The following KIAA2012 variants were observed in gnomAD, a reference collection of about 807,000 sequenced individuals.
The protein encoded by KIAA2012 is uncharacterized protein KIAA2012.
A neutral mutation model predicts 150.6 loss-of-function variants in KIAA2012; 125 were observed. The ratio of observed to expected loss-of-function variants is 0.83; its 90% confidence interval spans 0.72 to 0.96. The LOEUF (loss-of-function observed/expected upper bound fraction) is 0.96, where lower values mean the gene tolerates loss of function less well. KIAA2012 is among the 40% of genes least tolerant of loss of function. KIAA2012 has a pLI of 0.00. For synonymous variants in KIAA2012, 462 were observed against 504.7 expected (o/e 0.92, Z 1.13); for missense variants, 1,219 against 1,354.9 (o/e 0.90, Z 1.57).
chr2:202,103,055 T>C lies in KIAA2012; in HGVS notation c.1265T>C (p.Leu422Ser), dbSNP rs1690090247. The change falls in exon 8 of 24, where the codon TTA becomes TCA. Residue 422 changes from leucine (L) to serine (S), a missense_variant. Physicochemically the swap from Leu to Ser is moderately radical, Grantham distance 145. Coordinates refer to ENST00000498697, the MANE Select transcript of KIAA2012 (RefSeq NM_001277372.4). Reference protein sequence around the residue: ...ANEPPTELFILPVEIHYHTKQ... With the variant: ...ANEPPTELFISPVEIHYHTKQ... Reference sequence around the variant, plus strand: ...GAGCCCCCAACAGAGCTCTTCATCTTACCGGTGGAGATTCATTACCACACC... The same window carrying C: ...GAGCCCCCAACAGAGCTCTTCATCTCACCGGTGGAGATTCATTACCACACC... The C allele has an allele frequency of 6.4e-7, 1 of 1,550,548 alleles. No homozygotes were observed. The highest frequency in any genetic ancestry group is 2.4e-5 in the East Asian group (1 of 40,922).
intron 12 of KIAA2012, chr2:202,137,556 C>A (rs2037462): frequency 0.64 from 97,889 of 151,838 alleles, 31,731 homozygotes; most frequent in Admixed American, 0.69. Context: ...GCCTCAAGCA[C>A]TCCACCCACC....
intron 14 of KIAA2012, among the ~76,000 whole-genome samples, chr2:202,158,197 T>G (rs1574297314): frequency 2.0e-5 from 3 of 152,166 alleles, no homozygotes. Flanking sequence ...GGTTTCACCA[T>G]GTCAGCCAGG....
At chr2:202,117,210 A>G (rs150362261) in intron 11 of KIAA2012, among the ~76,000 whole-genome samples, 4 of 152,362 alleles carry the variant, frequency 2.6e-5, no homozygotes, top group South Asian at 2.1e-4. Flanking sequence ...GCAGTAATAG[A>G]TAACTAGTAT....
intron 12 of KIAA2012, among the ~76,000 whole-genome samples, chr2:202,130,870 T>C (rs370173434): frequency 2.2e-4 from 33 of 152,174 alleles, no homozygotes; most frequent in African/African-American, 6.5e-4. Flanking sequence ...TGAGCCAAGA[T>C]TGTGCCACTG....
chr2:202,178,873 A>T, intron 15 of KIAA2012: 1 of 211,722 alleles, frequency 4.7e-6, no homozygotes, highest in Non-Finnish European at 9.4e-6. Context: ...AAGAAAACCA[A>T]AGTTGCAAAG....
chr2:202,186,953 A>G lies in KIAA2012; in HGVS notation c.2231A>G (p.His744Arg), dbSNP rs1353842133. ...CAAAGGGGCAGAGATTATGATGTAC[A>G]CCACCTACACAGAGGACTTCTGGGA... ...VQKVGRDYDVHHLHRGLLGYG... is the reference protein window; with the variant it reads ...VQKVGRDYDVRHLHRGLLGYG... The change falls in exon 17 of 24, where the codon CAC (histidine) becomes CGC (arginine). Residue 744 changes from histidine (H) to arginine (R), a missense_variant. His to Arg is a conservative substitution (Grantham distance 29, BLOSUM62 0). Transcript: ENST00000498697. 1.3e-6 allele frequency: 2 copies of G among 1,550,374 alleles called. No homozygotes were observed. The highest frequency in any genetic ancestry group is 1.4e-5 in the African/African-American group (1 of 73,020).
chr2:202,175,257 G>T (rs541937362), intron 15 of KIAA2012, among the ~76,000 whole-genome samples: 26 of 152,286 alleles, frequency 1.7e-4, no homozygotes, highest in Middle Eastern at 3.4e-3. Flanking sequence ...CTAGAAACTT[G>T]ATCAGATTCC....
Position 202,193,427 on chromosome 2 carries a change from C to G in KIAA2012, c.2938C>G (p.Gln980Glu), listed in dbSNP as rs1198712072. Residue 980 changes from glutamine (Q) to glutamate (E), a missense_variant, in exon 20 of 24, where the codon CAG (glutamine) becomes GAG (glutamate). Gln to Glu is a conservative substitution (Grantham distance 29). Coordinates refer to ENST00000498697, the MANE Select transcript of KIAA2012 (RefSeq NM_001277372.4). The stretch of plus-strand genomic sequence containing the variant: ...GCAGGAAGAGCAAAGGCAGCTCCAG[C>G]AGGAGCAGCTGGAGAGAGCAAAAAA... Reference protein sequence around the residue: ...REQEEQRQLQQEQLERAKKME... With the variant: ...REQEEQRQLQEEQLERAKKME... 4 of 1,550,164 alleles carry G rather than the reference C, an allele frequency of 2.6e-6. No individual in the cohort carries two copies. In the African/African-American group the frequency reaches 4.1e-5, roughly 16 times the overall value.
chr2:202,080,355 G>A (rs866198218), intron 2 of KIAA2012, among the ~76,000 whole-genome samples: 1 of 152,172 alleles, frequency 6.6e-6, no homozygotes. Context: ...TAGGTTTTAT[G>A]TACTTCATTC....
chr2:202,182,899 T>G (rs1692150591), intron 15 of KIAA2012, among the ~76,000 whole-genome samples: 1 of 152,168 alleles, frequency 6.6e-6, no homozygotes, highest in Non-Finnish European at 1.5e-5. Flanking sequence ...TGTTTCTTCT[T>G]TATGATTTTT....
Position 202,100,374 on chromosome 2 carries a change from A to G in KIAA2012, c.1080A>G (p.Glu360=). The G allele has an allele frequency of 6.4e-7, 1 of 1,550,630 alleles. No homozygotes were observed. The highest frequency in any genetic ancestry group is 2.4e-5 in the East Asian group (1 of 40,930). The change falls in exon 7 of 24, where the codon GAA becomes GAG. Residue 360 remains glutamate, a synonymous_variant. Transcript: ENST00000498697. ...SSHLLQVLPA[E]RSLFPPVASA... ...ACTTGTTACAGGTGCTTCCTGCTGA[A>G]AGAAGCCTCTTCCCTCCTGTAGCAT...
At position 202,102,947 on chromosome 2, in the gene KIAA2012, C is replaced by T; in HGVS notation, c.1157C>T (p.Ala386Val). 1 of 1,549,088 alleles carries T rather than the reference C, an allele frequency of 6.5e-7. No individual in the cohort carries two copies. Among genetic ancestry groups the T allele is most frequent in the Non-Finnish European group, 8.7e-7 (1 of 1,146,476 alleles). ...ITPGEVKKKK[A>V]PKALKLPPIS... ...GTTTTGTTTTTAAATTTTCTCCAGG[C>T]ACCAAAGGCTTTGAAATTACCTCCT... Residue 386 changes from alanine to valine, a missense_variant and splice_region_variant, in exon 8 of 24, where the codon GCA becomes GTA. Coordinates refer to ENST00000498697, the MANE Select transcript of KIAA2012 (RefSeq NM_001277372.4).
intron 15 of KIAA2012, among the ~76,000 whole-genome samples, chr2:202,166,187 T>C (rs749963955): frequency 1.3e-5 from 2 of 152,206 alleles, no homozygotes; most frequent in Non-Finnish European, 2.9e-5. Context: ...AGGCACCAGC[T>C]GGATTGCATA....
At chr2:202,081,988 ATTTCT>A (rs1689460846) in intron 2 of KIAA2012, among the ~76,000 whole-genome samples, 1 of 152,070 alleles carries the variant, frequency 6.6e-6, no homozygotes, top group Non-Finnish European at 1.5e-5. Context: ...CTGAAAAAAA[ATTTCT>A]TTTATTTTAT....
rs1160787646 is a variant in KIAA2012, at chr2:202,073,725, C to T, written c.84+14C>T. 1 of 1,548,980 alleles carries T rather than the reference C, an allele frequency of 6.5e-7. No individual in the cohort carries two copies. Among genetic ancestry groups the T allele is most frequent in the East Asian group, 2.4e-5 (1 of 40,884 alleles). ...TTTGAACCAGAGGTGAGTCCCACAG[C>T]TGAAGAAAGGCACATTTTGGAGGTG... is the stretch of plus-strand genomic sequence containing the variant. On this transcript the variant is annotated intron_variant, in intron 1 of 23. Coordinates refer to ENST00000498697, the MANE Select transcript of KIAA2012 (RefSeq NM_001277372.4).
intron 13 of KIAA2012, among the ~76,000 whole-genome samples, chr2:202,143,334 C>T (rs555110297): frequency 2.2e-4 from 33 of 152,074 alleles, no homozygotes; most frequent in Non-Finnish European, 3.8e-4. Context: ...AATCTACCCG[C>T]CTTGGCCTCC....
intron 12 of KIAA2012, among the ~76,000 whole-genome samples, chr2:202,128,145 G>T (rs75068065): frequency 0.058 from 8,769 of 152,092 alleles, 400 homozygotes; most frequent in East Asian, 0.24. Flanking sequence ...CCTGCCGATG[G>T]GGTGACACTC....
At chr2:202,078,442 C>T (rs1021834374) in intron 2 of KIAA2012, among the ~76,000 whole-genome samples, 10 of 152,150 alleles carry the variant, frequency 6.6e-5, no homozygotes, top group Non-Finnish European at 1.5e-4. Flanking sequence ...GCTCATGCCA[C>T]CATGCCGGGC....
intron 9 of KIAA2012, among the ~76,000 whole-genome samples, chr2:202,106,691 TA>T (rs907909263): frequency 2.1e-4 from 28 of 131,040 alleles, no homozygotes; most frequent in East Asian, 6.3e-4. Context: ...TGTCTAAAAA[TA>T]AAAAAAAAAA....
Sources: allele counts gnomAD v4.1 joint callset (sites outside exome capture counted in the v4.1 genomes callset), GRCh38; gene constraint gnomAD v4.1.1; transcripts MANE v1.5; gene names NCBI Gene and HGNC (gene_info 2026-07-23, HGNC 2026-07-21).